INPP5F: variants seen among roughly 807,000 people sequenced by gnomAD.
INPP5F encodes the protein phosphatidylinositide 4-phosphatase SAC2.
Under a neutral mutation model 137.2 loss-of-function variants are expected in INPP5F, and 97 were observed. The observed-to-expected ratio is 0.71, with a 90% CI of 0.60 to 0.84. The LOEUF (loss-of-function observed/expected upper bound fraction) is 0.84, where lower values mean the gene tolerates loss of function less well. Among genes scored for constraint, INPP5F ranks in the 40% least tolerant of loss-of-function variants. INPP5F has a pLI of 0.00. For missense variants in INPP5F, 1,271 were observed against 1,371.9 expected (o/e 0.93, Z 1.16); for synonymous variants, 504 against 476.9 (o/e 1.06, Z -0.74).
At chr10:119,805,316 T>C in intron 10 of INPP5F, 68 bp from the exon 11 acceptor site, 1 of 1,210,384 alleles carries the variant, frequency 8.3e-7, no homozygotes, top group East Asian at 2.4e-5. Context: ...TTAAATAGCA[T>C]ATCTTAAGTT....
chr10:119,749,355 A>C (rs1848629030), intron 1 of INPP5F, among the ~76,000 whole-genome samples: 1 of 152,252 alleles, frequency 6.6e-6, no homozygotes, highest in Admixed American at 6.5e-5. Flanking sequence ...GGATGCATCC[A>C]GACAGGCTGC....
At chr10:119,788,198 C>T (rs1057045974) in intron 3 of INPP5F, among the ~76,000 whole-genome samples, 1 of 152,064 alleles carries the variant, frequency 6.6e-6, no homozygotes, top group African/African-American at 2.4e-5. Context: ...TTGCGCAGTT[C>T]TAGAGATGCT....
intron 16 of INPP5F, among the ~76,000 whole-genome samples, chr10:119,821,849 T>G (rs1316991502): frequency 6.6e-6 from 1 of 151,186 alleles, no homozygotes; most frequent in Non-Finnish European, 1.5e-5. Flanking sequence ...TTAAAATATT[T>G]TAACCTTGTA....
chr10:119,826,140 ACAGT>A, intron 19 of INPP5F: 2 of 395,968 alleles, frequency 5.1e-6, no homozygotes, highest in South Asian at 1.4e-4. Context: ...ATTCCCATTT[ACAGT>A]CAGAGATGTC....
At chr10:119,771,878 ATATATTTTTTTTTTTTTTTTTT>A (rs1173119859) in intron 2 of INPP5F, among the ~76,000 whole-genome samples, 32 of 20,406 alleles carry the variant, frequency 1.6e-3, no homozygotes, top group Non-Finnish European at 2.2e-3. Flanking sequence ...ATATATATAT[ATATATTTTTTTTTTTTTTTTTT>A]TTTTTTTTTT....
intron 18 of INPP5F, 79 bp from the exon 19 acceptor site, chr10:119,823,736 A>G: frequency 1.0e-6 from 1 of 996,292 alleles, no homozygotes; most frequent in Non-Finnish European, 1.5e-6. Flanking sequence ...AATTTCATTC[A>G]GCGCTAAATG....
At chr10:119,802,378 G>A (rs1169712431) in intron 9 of INPP5F, among the ~76,000 whole-genome samples, 1 of 152,120 alleles carries the variant, frequency 6.6e-6, no homozygotes, top group Admixed American at 6.5e-5. Flanking sequence ...AAGCCATGTT[G>A]GAACCGTCCT....
At chr10:119,784,062 C>G (rs1849795048) in intron 3 of INPP5F, among the ~76,000 whole-genome samples, 1 of 152,130 alleles carries the variant, frequency 6.6e-6, no homozygotes, top group Admixed American at 6.5e-5. Flanking sequence ...CAACAGTGAA[C>G]AACAGGAAGG....
Position 119,827,632 on chromosome 10 carries a change from T to TTACC in INPP5F, c.3252_3255dup (p.Gln1086TyrfsTer24), listed in dbSNP as rs765803292. 1.5e-5 allele frequency: 25 copies of TTACC among 1,614,064 alleles called. No homozygotes were observed. Among genetic ancestry groups the TTACC allele is most frequent in the Non-Finnish European group, 2.1e-5 (25 of 1,180,040 alleles). On this transcript the variant is annotated frameshift_variant, in exon 20 of 20. Transcript: ENST00000650623. LOFTEE classifies it high-confidence loss of function. ...AGTTCCATGGTCCAGGTTGCTAGTA[T>TTACC]TACCCAAGCTGGATTAACCCATGGG...
chr10:119,822,305 A>G lies in INPP5F; in HGVS notation c.1959-126A>G, dbSNP rs189824784. The G allele has an allele frequency of 8.0e-6, 4 of 502,162 alleles. No homozygotes were observed. In the Admixed American group the frequency reaches 1.6e-4, roughly 20 times the overall value. The allele number at this position is 502,162 out of a possible 1,614,324, so 31.1% of individuals were successfully genotyped here. A position where few individuals can be genotyped will look rare whatever the true frequency, so the allele number is the denominator to read the frequency against. ...GTTCTTATGTTTAACATTTTACCCC[A>G]GAATGTATGTGCTGTGGAAGATTTT... On this transcript the variant is annotated intron_variant, in intron 16 of 19. Transcript: ENST00000650623.
chr10:119,737,938 G>A lies in INPP5F; in HGVS notation c.97+11579G>A, dbSNP rs141890535. The stretch of plus-strand genomic sequence containing the variant: ...TAAGACACAGTGAAAGTGCCTATAG[G>A]CTTCAGCAGCTGTGCTTTAAAACCC... On this transcript the variant is annotated intron_variant, in intron 1 of 19. Transcript: ENST00000650623. Among the ~76,000 whole-genome samples the A allele has an allele frequency of 1.5e-3, 228 of 152,074 alleles. 2 individuals carry two copies. Among genetic ancestry groups the A allele is most frequent in the African/African-American group, 5.1e-3 (212 of 41,498 alleles).
intron 1 of INPP5F, among the ~76,000 whole-genome samples, chr10:119,750,677 G>A (rs571546255): frequency 4.2e-4 from 64 of 152,324 alleles, no homozygotes; most frequent in Non-Finnish European, 8.5e-4. Flanking sequence ...ATTTTCCAGA[G>A]TGTGATCCAG....
intron 1 of INPP5F, among the ~76,000 whole-genome samples, chr10:119,738,621 C>G (rs1848283300): frequency 6.8e-6 from 1 of 147,868 alleles, no homozygotes; most frequent in Non-Finnish European, 1.5e-5. Context: ...TGTTTTATTT[C>G]TTTAGTGAAG....
At chr10:119,767,353 C>T (rs1849205189) in intron 2 of INPP5F, among the ~76,000 whole-genome samples, 1 of 152,028 alleles carries the variant, frequency 6.6e-6, no homozygotes, top group South Asian at 2.1e-4. Flanking sequence ...TGTCCAGCAG[C>T]TGGAAAAGTA....
At chr10:119,741,723 C>G (rs1333141787) in intron 1 of INPP5F, among the ~76,000 whole-genome samples, 3 of 151,674 alleles carry the variant, frequency 2.0e-5, no homozygotes, top group Non-Finnish European at 2.9e-5. Context: ...TTAGTAGAGA[C>G]AGGGTTTCAC....
intron 14 of INPP5F, 119 bp from the exon 15 acceptor site, chr10:119,811,638 G>A: frequency 1.3e-6 from 1 of 768,006 alleles, no homozygotes; most frequent in Non-Finnish European, 2.1e-6. Flanking sequence ...AGGTTACAAA[G>A]ATTTATGCTT....
At chr10:119,744,943 A>C (rs1475038954) in intron 1 of INPP5F, among the ~76,000 whole-genome samples, 1 of 151,958 alleles carries the variant, frequency 6.6e-6, no homozygotes, top group Non-Finnish European at 1.5e-5. Flanking sequence ...ACTACTAATG[A>C]CTATTGTTTT....
chr10:119,810,420 C>T (rs551012994), intron 14 of INPP5F, among the ~76,000 whole-genome samples: 1 of 152,104 alleles, frequency 6.6e-6, no homozygotes, highest in African/African-American at 2.4e-5. Flanking sequence ...CAAAAGAAAC[C>T]ATCTATTTTC....
intron 3 of INPP5F, among the ~76,000 whole-genome samples, chr10:119,786,693 A>G (rs1274939827): frequency 1.4e-5 from 2 of 146,996 alleles, no homozygotes; most frequent in African/African-American, 5.0e-5. Flanking sequence ...TTTTTTTTCT[A>G]TTTTTTGAAG....
Sources: allele counts gnomAD v4.1 joint callset (sites outside exome capture counted in the v4.1 genomes callset), GRCh38; gene constraint gnomAD v4.1.1; transcripts MANE v1.5; gene names NCBI Gene and HGNC (gene_info 2026-07-23, HGNC 2026-07-21).